COL19A1: variants seen among roughly 807,000 people sequenced by gnomAD.
The protein encoded by COL19A1 is collagen alpha-1(XIX) chain.
COL19A1 carries 159 observed loss-of-function variants against 190.2 expected under a neutral mutation model. That is an observed-to-expected ratio of 0.84 (90% CI 0.73 to 0.95). The LOEUF is 0.95. Ranked by LOEUF, COL19A1 falls within the 40% of genes least tolerant of loss-of-function variation. The pLI, the probability that COL19A1 is intolerant of heterozygous loss-of-function variation, is 0.00. For synonymous variants in COL19A1, 509 were observed against 458.9 expected (o/e 1.11, Z -1.39); for missense variants, 1,418 against 1,431.9 (o/e 0.99, Z 0.16).
intron 22 of COL19A1, among the ~76,000 whole-genome samples, chr6:70,142,403 A>T (rs1343055391): frequency 6.6e-6 from 1 of 152,180 alleles, no homozygotes; most frequent in Non-Finnish European, 1.5e-5. Flanking sequence ...TCAGTTTCTA[A>T]ACCAAAATTA....
intron 14 of COL19A1, among the ~76,000 whole-genome samples, chr6:70,043,293 G>A (rs569421397): frequency 1.1e-3 from 159 of 151,204 alleles, no homozygotes; most frequent in African/African-American, 3.6e-3. Flanking sequence ...TCGGGTTCAC[G>A]CCATTCTCCT....
intron 46 of COL19A1, 73 bp downstream of exon 46, chr6:70,184,988 T>C: frequency 6.9e-7 from 1 of 1,442,488 alleles, no homozygotes. Context: ...AGTTACACAA[T>C]TATGTGTGTA....
rs536236393 is a variant in COL19A1 at position 70,043,282 on chromosome 6, C to T, written c.1170+7343C>T. On this transcript the variant is annotated intron_variant, in intron 14 of 50. Transcript: ENST00000620364. ...TCTCGGCTCACTGCAAGCTCCGCCT[C>T]TCGGGTTCACGCCATTCTCCTGCCT... 2.4e-3 allele frequency among the ~76,000 whole-genome samples: 366 copies of T among 151,600 alleles called. 3 individuals carry two copies. The highest frequency in any genetic ancestry group is 8.4e-3 in the African/African-American group (346 of 41,248).
At chr6:70,157,988 A>G (rs561580771) in intron 34 of COL19A1, among the ~76,000 whole-genome samples, 1 of 152,208 alleles carries the variant, frequency 6.6e-6, no homozygotes, top group Non-Finnish European at 1.5e-5. Context: ...ATATTCCTCC[A>G]CACTTTAGCG....
At chr6:70,043,545 C>G (rs1027121255) in intron 14 of COL19A1, among the ~76,000 whole-genome samples, 1 of 152,174 alleles carries the variant, frequency 6.6e-6, no homozygotes, top group Non-Finnish European at 1.5e-5. Context: ...ACTCCTTCAC[C>G]CATGGGCTGA....
rs191989963 is a variant in COL19A1 at position 69,879,642 on chromosome 6, C to G, written c.75C>G (p.Thr25=). ...TGCTTCCTGCTTCCACTTCCGTGAC[C>G]GTTAGGGACAAGACAGGTATCCAGG... ...IFLLPASTSV[T]VRDKTEESCP... The change falls in exon 2 of 51, where the codon ACC becomes ACG. Residue 25 remains threonine, a synonymous_variant. Coordinates refer to ENST00000620364, the MANE Select transcript of COL19A1 (RefSeq NM_001858.6). 5 of 1,613,892 alleles carry G rather than the reference C, an allele frequency of 3.1e-6. No homozygotes were observed. The highest frequency in any genetic ancestry group is 2.5e-6 in the Non-Finnish European group (3 of 1,179,994).
chr6:70,102,091 T>C (rs79077100), intron 15 of COL19A1, 78 bp from the exon 16 acceptor site: 31 of 1,126,408 alleles, frequency 2.8e-5, no homozygotes, highest in East Asian at 2.4e-4. Context: ...CTGTCTTCAA[T>C]ATTCCCATTT....
chr6:69,954,556 A>G (rs73482140), intron 9 of COL19A1, among the ~76,000 whole-genome samples: 1 of 152,066 alleles, frequency 6.6e-6, no homozygotes, highest in African/African-American at 2.4e-5. Flanking sequence ...AAACAAGGGA[A>G]TCTCTTCTTT....
At chr6:70,071,835 G>A (rs751386310) in intron 15 of COL19A1, among the ~76,000 whole-genome samples, 10 of 152,126 alleles carry the variant, frequency 6.6e-5, no homozygotes, top group Non-Finnish European at 1.3e-4. Flanking sequence ...GTCAACAGAA[G>A]AGCGGTTCTA....
intron 36 of COL19A1, among the ~76,000 whole-genome samples, chr6:70,165,662 C>A (rs993846315): frequency 2.0e-5 from 3 of 151,992 alleles, no homozygotes; most frequent in African/African-American, 7.2e-5. Context: ...AGGACATGAG[C>A]ACCTGGGTTG....
intron 11 of COL19A1, among the ~76,000 whole-genome samples, chr6:70,021,848 G>A (rs1778432126): frequency 6.6e-6 from 1 of 152,142 alleles, no homozygotes; most frequent in Admixed American, 6.5e-5. Flanking sequence ...TGCTGTATCG[G>A]ACAGCACAAT....
At chr6:70,010,703 G>A (rs569494048) in intron 11 of COL19A1, among the ~76,000 whole-genome samples, 1 of 136,602 alleles carries the variant, frequency 7.3e-6, no homozygotes, top group African/African-American at 3.1e-5. Flanking sequence ...TGGCTCGGAG[G>A]GTCCTACACC....
intron 11 of COL19A1, among the ~76,000 whole-genome samples, chr6:70,004,914 G>T (rs1289026526): frequency 6.6e-6 from 1 of 151,162 alleles, no homozygotes; most frequent in Non-Finnish European, 1.5e-5. Flanking sequence ...CTCACTGTAA[G>T]CTCTGCCCCC....
At chr6:70,083,764 C>T (rs1206419088) in intron 15 of COL19A1, among the ~76,000 whole-genome samples, 1 of 152,106 alleles carries the variant, frequency 6.6e-6, no homozygotes, top group Non-Finnish European at 1.5e-5. Flanking sequence ...ACATATGTTA[C>T]CAGGACTTAG....
At chr6:69,942,188 A>G (rs888170427) in intron 9 of COL19A1, among the ~76,000 whole-genome samples, 1 of 152,198 alleles carries the variant, frequency 6.6e-6, no homozygotes, top group African/African-American at 2.4e-5. Context: ...CTTTCAAATT[A>G]TATGTCACTA....
intron 4 of COL19A1, among the ~76,000 whole-genome samples, chr6:69,915,303 C>T (rs182418418): frequency 1.3e-5 from 2 of 152,298 alleles, no homozygotes; most frequent in Admixed American, 6.5e-5. Flanking sequence ...GCTTCTATCT[C>T]CCCATAAAAC....
chr6:69,959,423 T>C (rs1774635117), intron 9 of COL19A1, among the ~76,000 whole-genome samples: 1 of 152,166 alleles, frequency 6.6e-6, no homozygotes, highest in Non-Finnish European at 1.5e-5. Flanking sequence ...ATTCCGATTT[T>C]AGGCAAGAAG....
chr6:70,044,108 A>G (rs1779779411), intron 14 of COL19A1, among the ~76,000 whole-genome samples: 1 of 152,096 alleles, frequency 6.6e-6, no homozygotes, highest in Admixed American at 6.5e-5. Context: ...TCATGAACCA[A>G]CTTCTGCTAG....
chr6:70,092,026 A>C (rs1252186464), intron 15 of COL19A1, among the ~76,000 whole-genome samples: 1 of 152,188 alleles, frequency 6.6e-6, no homozygotes, highest in Non-Finnish European at 1.5e-5. Flanking sequence ...AAGGTCATCG[A>C]TACATTTTCC....
Sources: allele counts gnomAD v4.1 joint callset (sites outside exome capture counted in the v4.1 genomes callset), GRCh38; gene constraint gnomAD v4.1.1; transcripts MANE v1.5; gene names NCBI Gene and HGNC (gene_info 2026-07-23, HGNC 2026-07-21).